The following ETS1 variants were observed in gnomAD, a reference collection of about 807,000 sequenced individuals.
ETS1 encodes the protein protein C-ets-1.
In ETS1, 15 loss-of-function variants were observed where a neutral mutation model predicts 58.6. That is an observed-to-expected ratio of 0.26 (90% confidence interval 0.17 to 0.39). The LOEUF is 0.39. Among genes scored for constraint, ETS1 ranks in the 10% least tolerant of loss-of-function variants. ETS1 has a pLI of 1.00. For synonymous variants in ETS1, 214 were observed against 218.2 expected, an observed-to-expected ratio of 0.98 and a Z score of 0.17; for missense variants, 417 against 610.5, an observed-to-expected ratio of 0.68 and a Z score of 3.34.
At position 128,517,188 on chromosome 11, in the gene ETS1, C is replaced by G. The variant is rs74366622; in HGVS notation, c.215-26612G>C. 9.3e-3 allele frequency among the ~76,000 whole-genome samples: 1,413 copies of G among 152,330 alleles called. 15 individuals are homozygous for G. The highest frequency in any genetic ancestry group is 0.032 in the African/African-American group (1,340 of 41,570). On this transcript the variant is annotated intron_variant, in intron 3 of 9. Transcript: ENST00000392668. ...AAGCACTGAGCTAACAATGAGGCCA[C>G]CTGATTCAGCTCAGGGGGCTCTTGC...
chr11:128,586,312 C>T (rs6590338), intron 1 of ETS1, among the ~76,000 whole-genome samples: 151,067 of 152,302 alleles, frequency 0.99, 74,933 homozygotes, highest in East Asian at 1. Context: ...AGACATTAAC[C>T]CATTAGCTCT....
chr11:128,586,405 AC>A (rs1252227959), intron 1 of ETS1, among the ~76,000 whole-genome samples: 1 of 151,846 alleles, frequency 6.6e-6, no homozygotes, highest in African/African-American at 2.4e-5. Flanking sequence ...TGCACAGCCC[AC>A]GGCCCCTGAA....
At chr11:128,585,033 AAAGAAAGAAAGAAAG>A (rs1473484955) in intron 1 of ETS1, among the ~76,000 whole-genome samples, 2 of 4,252 alleles carry the variant, frequency 4.7e-4, no homozygotes, top group Non-Finnish European at 7.8e-4. Context: ...GAAAGAAAGA[AAAGAAAGAAAGAAAG>A]AAAGAAAGAA....
chr11:128,522,533 CGAGCGCGGGGCCGGGCCGCGACCGCGGAG>C (rs1863713419), intron 3 of ETS1: 1 of 222,188 alleles, frequency 4.5e-6, no homozygotes, highest in South Asian at 1.6e-4. Flanking sequence ...GAAGGGCTGG[CGAGCGCGGGGCCGGGCCGCGACCGCGGAG>C]GAGCAGTGCG....
rs1177920477 is a variant in ETS1, at chr11:128,463,165, G to A, written c.1242+344C>T. On this transcript the variant is annotated intron_variant, in intron 9 of 9. Coordinates refer to ENST00000392668, the MANE Select transcript of ETS1 (RefSeq NM_001143820.2). This position sits in a 1 kb window ranked among gnomAD's most constrained non-coding sequence, Gnocchi z 4.1. Reference sequence around the variant, plus strand: ...GAAACTAATGAGCCAATCTCCCAAGGCCTCTTGAACTGTCTGGCCCCTTTC... The same window carrying A: ...GAAACTAATGAGCCAATCTCCCAAGACCTCTTGAACTGTCTGGCCCCTTTC... 6.6e-6 allele frequency among the ~76,000 whole-genome samples: 1 copy of A among 152,104 alleles called. No homozygotes were observed. Among genetic ancestry groups the A allele is most frequent in the Non-Finnish European group, 1.5e-5 (1 of 68,024 alleles).
chr11:128,462,490 T>C lies in ETS1; in HGVS notation c.1329A>G (p.Lys443=), dbSNP rs1378492553. Residue 443 remains lysine, a synonymous_variant, in exon 10 of 10, where the codon AAA becomes AAG. Coordinates refer to ENST00000392668, the MANE Select transcript of ETS1 (RefSeq NM_001143820.2). ...TCCCCGCTGTCTTGTGGATGATGTT[T>C]TTGTCGTAATAGTAGCGTAGGCCAC... The part of the protein sequence containing the change: ...LSRGLRYYYD[K]NIIHKTAGKR... 1.2e-5 allele frequency: 19 copies of C among 1,614,082 alleles called. No homozygotes were observed. The highest frequency in any genetic ancestry group is 1.6e-5 in the Non-Finnish European group (19 of 1,180,054).
At chr11:128,583,585 G>A (rs866781153) in intron 1 of ETS1, among the ~76,000 whole-genome samples, 1 of 151,896 alleles carries the variant, frequency 6.6e-6, no homozygotes, top group Non-Finnish European at 1.5e-5. Flanking sequence ...TTTGTACATT[G>A]TTTTGCAAAC....
intron 3 of ETS1, chr11:128,536,294 TA>T (rs1303890824): frequency 6.6e-6 from 1 of 152,180 alleles, no homozygotes; most frequent in East Asian, 1.9e-4. Flanking sequence ...ACAGACCAAG[TA>T]AACTATAAGG....
In ETS1 at chr11:128,585,106, AGGAAGGAAGGAAAGAAAG is replaced by A. The variant is rs1565421564; in HGVS notation, c.-15+2364_-15+2381del. On this transcript the variant is annotated intron_variant, in intron 1 of 9. Transcript: ENST00000392668. The stretch of plus-strand genomic sequence containing the variant: ...AGAAAGAAAGGAAAGAAAGAAAGGA[AGGAAGGAAGGAAAGAAAG>A]AAGAAAGAAAGAAAAGAAAGAAAGA... Among the ~76,000 whole-genome samples the A allele has an allele frequency of 1.1e-3, 27 of 25,566 alleles. 1 individual carries two copies. The highest frequency in any genetic ancestry group is 2.2e-3 in the South Asian group (3 of 1,386). 16.8% of individuals were successfully genotyped at this position (25,566 alleles called of 152,430 possible).
chr11:128,514,363 G>A (rs1226813103), intron 3 of ETS1, among the ~76,000 whole-genome samples: 1 of 152,082 alleles, frequency 6.6e-6, no homozygotes, highest in Non-Finnish European at 1.5e-5. Flanking sequence ...TTTGGGTCCT[G>A]GCCTCCTACT....
intron 3 of ETS1, among the ~76,000 whole-genome samples, chr11:128,532,854 A>G (rs1232581699): frequency 6.6e-6 from 1 of 152,144 alleles, no homozygotes; most frequent in Non-Finnish European, 1.5e-5. Context: ...TTTCCCAACA[A>G]TTAGCCCTGC....
intron 2 of ETS1, among the ~76,000 whole-genome samples, chr11:128,561,934 G>T (rs1864411535): frequency 6.6e-6 from 1 of 152,194 alleles, no homozygotes; most frequent in Admixed American, 6.5e-5. Context: ...ATAAGGGAAA[G>T]AATTGAAAGT....
intron 3 of ETS1, among the ~76,000 whole-genome samples, chr11:128,532,547 C>T (rs548176985): frequency 3.3e-4 from 51 of 152,290 alleles, no homozygotes; most frequent in African/African-American, 1.2e-3. Context: ...TAAGTCACCC[C>T]ACCTCAGCTC....
chr11:128,472,769 G>A (rs1862220780), intron 8 of ETS1, among the ~76,000 whole-genome samples: 1 of 152,182 alleles, frequency 6.6e-6, no homozygotes, highest in African/African-American at 2.4e-5. Flanking sequence ...AGCTGCAGTT[G>A]AGGGCTCTTT....
intron 8 of ETS1, among the ~76,000 whole-genome samples, chr11:128,471,092 C>T (rs527410375): frequency 6.6e-6 from 1 of 152,310 alleles, no homozygotes; most frequent in Non-Finnish European, 1.5e-5. Context: ...TTGTATAGAG[C>T]TCACCTAGAG....
chr11:128,584,977 A>AGAAAGAAAGAAAGAAAG (rs1555092866), intron 1 of ETS1, among the ~76,000 whole-genome samples: 1,013 of 18,284 alleles, frequency 0.055, 86 homozygotes, highest in Non-Finnish European at 0.07. Flanking sequence ...AAAGAAAGAA[A>AGAAAGAAAGAAAGAAAG]GAAAGAAAGA....
chr11:128,567,037 G>A (rs751310619), intron 2 of ETS1, among the ~76,000 whole-genome samples: 8 of 152,188 alleles, frequency 5.3e-5, no homozygotes, highest in South Asian at 2.1e-4. Context: ...AATCAATTAC[G>A]GAAGGAAGAA....
chr11:128,514,072 A>G (rs1477392820), intron 3 of ETS1, among the ~76,000 whole-genome samples: 2 of 152,166 alleles, frequency 1.3e-5, no homozygotes, highest in African/African-American at 4.8e-5. Flanking sequence ...AAAAACCCGT[A>G]TCTACAAACA....
intron 8 of ETS1, among the ~76,000 whole-genome samples, chr11:128,467,210 G>C (rs1217262785): frequency 1.3e-5 from 2 of 152,222 alleles, no homozygotes; most frequent in Non-Finnish European, 2.9e-5. Flanking sequence ...ACAGGAGCCT[G>C]TCTCCACAGC....
Sources: gnomAD v4.1 joint callset for allele counts (sites outside exome capture counted in the v4.1 genomes callset) on GRCh38, gnomAD v4.1.1 for gene constraint, Gnocchi (gnomAD v3.1) non-coding constraint, MANE v1.5 for transcripts, NCBI Gene and HGNC (gene_info 2026-07-23, HGNC 2026-07-21) for gene names.